The following RHOC variants were observed in gnomAD, a reference collection of about 807,000 sequenced individuals.
RHOC encodes the protein rho-related GTP-binding protein RhoC.
Under a neutral mutation model 19.5 loss-of-function variants are expected in RHOC, and 13 were observed. The observed-to-expected ratio is 0.67, with a 90% CI of 0.43 to 1.06. The LOEUF (loss-of-function observed/expected upper bound fraction) is 1.06. RHOC is among the 50% of genes least tolerant of loss of function. The pLI, the probability that RHOC is intolerant of heterozygous loss-of-function variation, is 0.00. For synonymous variants in RHOC, 106 were observed against 97.3 expected, an observed-to-expected ratio of 1.09 and a Z score of -0.52; for missense variants, 173 against 256.9, an observed-to-expected ratio of 0.67 and a Z score of 2.23.
At chr1:112,706,953 C>T (rs1674917958) in intron 1 of RHOC, 125 bp downstream of exon 1, 1 of 152,052 alleles carries the variant, frequency 6.6e-6, no homozygotes, top group South Asian at 2.1e-4. Flanking sequence ...GGAACGGGGT[C>T]CACGCCCAGG....
intron 1 of RHOC, among the ~76,000 whole-genome samples, chr1:112,706,486 A>ACACAC (rs1557780757): frequency 9.6e-4 from 17 of 17,650 alleles, no homozygotes; most frequent in African/African-American, 3.2e-3. Context: ...ACACACACAC[A>ACACAC]CACACACACA....
chr1:112,705,683 A>C (rs963608907), intron 1 of RHOC: 5 of 456,300 alleles, frequency 1.1e-5, no homozygotes, highest in African/African-American at 1.0e-4. Flanking sequence ...CCGGTGACTG[A>C]CGCTGGGATT....
Position 112,703,655 on chromosome 1 carries a change from C to T in RHOC, c.145G>A (p.Asp49Asn). The T allele has an allele frequency of 6.2e-7, 1 of 1,612,758 alleles. No homozygotes were observed. The highest frequency in any genetic ancestry group is 8.5e-7 in the Non-Finnish European group (1 of 1,179,418). ...ATTTCTGCCTTCACCTGCTTGCCGT[C>T]CACCTCAATGTCCGCAATATAGTTC... The part of the protein sequence containing the change: ...FENYIADIEV[D>N]GKQVELALWD... The change falls in exon 3 of 6, where the codon GAC (aspartate) becomes AAC (asparagine). Residue 49 changes from aspartate (D) to asparagine (N), a missense_variant. Physicochemically the swap from Asp to Asn is conservative, Grantham distance 23. Around this residue, in one of 2 missense-constraint regions of RHOC, gnomAD observed 92 missense variants for 171.1 expected, o/e 0.54. Coordinates refer to ENST00000339083, the MANE Select transcript of RHOC (RefSeq NM_175744.5).
intron 1 of RHOC, chr1:112,705,930 A>G: frequency 3.1e-6 from 1 of 325,026 alleles, no homozygotes; most frequent in South Asian, 2.5e-5. Flanking sequence ...GCGTTAAGGG[A>G]CCTGGAGCCT....
chr1:112,706,478 A>ACCCACAC (rs1336355723), intron 1 of RHOC, among the ~76,000 whole-genome samples: 2 of 5,126 alleles, frequency 3.9e-4, no homozygotes, highest in Non-Finnish European at 9.6e-4. Context: ...ACACACACAC[A>ACCCACAC]CACACACACA....
intron 2 of RHOC, chr1:112,704,149 G>GC (rs1218441768): frequency 4.0e-6 from 1 of 249,358 alleles, no homozygotes; most frequent in Non-Finnish European, 7.8e-6. Flanking sequence ...CGTCCAGGGA[G>GC]CAAGCTTCTA....
chr1:112,701,515 G>A lies in RHOC; in HGVS notation c.*25C>T. On this transcript the variant is annotated 3_prime_UTR_variant, in exon 6 of 6. Coordinates refer to ENST00000339083, the MANE Select transcript of RHOC (RefSeq NM_175744.5). ...TTCTGTACCCCTGTGAAGGGAGGGG[G>A]CATGTAGGAAAGGCCTTGGGGATCT... The A allele has an allele frequency of 1.9e-6, 3 of 1,614,080 alleles. No individual in the cohort carries two copies. Among genetic ancestry groups the A allele is most frequent in the South Asian group, 1.1e-5 (1 of 91,088 alleles).
intron 1 of RHOC, chr1:112,705,547 T>C: frequency 2.1e-6 from 1 of 484,104 alleles, no homozygotes; most frequent in Non-Finnish European, 4.1e-6. Flanking sequence ...GCCACACTCT[T>C]CCCACCACAA....
At position 112,701,137 on chromosome 1, in the gene RHOC, C is replaced by G. The variant is rs1000114216; in HGVS notation, c.*403G>C. On this transcript the variant is annotated 3_prime_UTR_variant, in exon 6 of 6. Coordinates refer to ENST00000339083, the MANE Select transcript of RHOC (RefSeq NM_175744.5). ...CCGAAAGCTGCCACACACGTTGGAG[C>G]CTGTAGCCTTTATTCATGCCCCCCT... 3 of 462,498 alleles carry G rather than the reference C, an allele frequency of 6.5e-6. No homozygotes were observed. Among genetic ancestry groups the G allele is most frequent in the African/African-American group, 5.8e-5 (3 of 51,574 alleles). 28.6% of individuals were successfully genotyped at this position (462,498 alleles called of 1,614,324 possible). A position where few individuals can be genotyped will look rare whatever the true frequency, so the allele number is the denominator to read the frequency against.
chr1:112,705,752 C>T (rs1212067026), intron 1 of RHOC: 1 of 439,682 alleles, frequency 2.3e-6, no homozygotes, highest in Non-Finnish European at 4.6e-6. Context: ...TAAAGATGGG[C>T]TGGGGTAGCC....
At position 112,702,709 on chromosome 1, in the gene RHOC, C is replaced by G; in HGVS notation, c.278-16G>C. ...GGAATGTTTTCTGTGTAGACATGCACCAACAGGTGTCGGTGCCTCCACTTA... is the reference window on the plus strand; with the variant it reads ...GGAATGTTTTCTGTGTAGACATGCAGCAACAGGTGTCGGTGCCTCCACTTA... On this transcript the variant is annotated splice_polypyrimidine_tract_variant and intron_variant, in intron 4 of 5. Transcript: ENST00000339083. 1 of 1,613,878 alleles carries G rather than the reference C, an allele frequency of 6.2e-7. No individual in the cohort carries two copies. The highest frequency in any genetic ancestry group is 8.5e-7 in the Non-Finnish European group (1 of 1,179,868).
intron 1 of RHOC, 78 bp from the exon 2 acceptor site, chr1:112,705,246 G>T: frequency 1.4e-6 from 1 of 695,046 alleles, no homozygotes; most frequent in Non-Finnish European, 2.6e-6. Context: ...GCCAGTCCCA[G>T]CACCAACCAG....
chr1:112,701,710 G>C lies in RHOC; in HGVS notation c.412C>G (p.Pro138Ala), dbSNP rs1159815720. The change falls in exon 6 of 6, where the codon CCC becomes GCC. Residue 138 changes from proline (P) to alanine (A), a missense_variant. Coordinates refer to ENST00000339083, the MANE Select transcript of RHOC (RefSeq NM_175744.5). ...TCCCGGCCTTCCTCAGACCGAACGGGCTCCTGAGAAGACATAAGATGAGGG... is the reference window on the plus strand; with the variant it reads ...TCCCGGCCTTCCTCAGACCGAACGGCCTCCTGAGAAGACATAAGATGAGGG... ...RRELAKMKQE[P>A]VRSEEGRDMA... The C allele has an allele frequency of 1.9e-6, 3 of 1,613,810 alleles. No individual in the cohort carries two copies. The highest frequency in any genetic ancestry group is 2.2e-5 in the South Asian group (2 of 91,076).
chr1:112,703,514 A>G, intron 3 of RHOC, 130 bp downstream of exon 3: 1 of 844,874 alleles, frequency 1.2e-6, no homozygotes, highest in South Asian at 1.4e-5. Flanking sequence ...TTTACTTCCT[A>G]ACTTTTACTG....
intron 5 of RHOC, among the ~76,000 whole-genome samples, 162 bp downstream of exon 5, chr1:112,702,401 G>T (rs1225162017): frequency 1.3e-5 from 2 of 152,180 alleles, no homozygotes; most frequent in African/African-American, 4.8e-5. Flanking sequence ...ACTTCATTCT[G>T]ATACCTCATC....
intron 2 of RHOC, 29 bp downstream of exon 2, chr1:112,705,071 T>C (rs944416770): frequency 5.7e-6 from 4 of 702,314 alleles, no homozygotes; most frequent in Non-Finnish European, 1.0e-5. Context: ...CTTCCCTCAC[T>C]TCCTCCTTCC....
At chr1:112,702,736 G>A (rs750824156) in intron 4 of RHOC, 43 bp from the exon 5 acceptor site, 1 of 1,611,890 alleles carries the variant, frequency 6.2e-7, no homozygotes, top group South Asian at 1.1e-5. Context: ...CTCCACTTAA[G>A]CTAGAAAGCT....
chr1:112,703,565 G>T, intron 3 of RHOC, 79 bp downstream of exon 3: 1 of 1,176,820 alleles, frequency 8.5e-7, no homozygotes, highest in Non-Finnish European at 1.2e-6. Flanking sequence ...GGGTAGGAAT[G>T]GGGAAGGACA....
chr1:112,701,308 G>A lies in RHOC; in HGVS notation c.*232C>T, dbSNP rs1322305339. Reference sequence around the variant, plus strand: ...CCATCCTTTGGGGAAGGTCAAAGGGGGCAAGATCCCCAGGGGCCCTGAGGA... The same window carrying A: ...CCATCCTTTGGGGAAGGTCAAAGGGAGCAAGATCCCCAGGGGCCCTGAGGA... On this transcript the variant is annotated 3_prime_UTR_variant, in exon 6 of 6. Coordinates refer to ENST00000339083, the MANE Select transcript of RHOC (RefSeq NM_175744.5). 8.1e-7 allele frequency: 1 copy of A among 1,240,148 alleles called. No homozygotes were observed. 76.8% of individuals were successfully genotyped at this position (1,240,148 alleles called of 1,614,324 possible). A position where few individuals can be genotyped will look rare whatever the true frequency, so the allele number is the denominator to read the frequency against.
Sources: gnomAD v4.1 joint callset for allele counts (sites outside exome capture counted in the v4.1 genomes callset) on GRCh38, gnomAD v4.1.1 for gene constraint, gnomAD v4.1.1 regional missense constraint, MANE v1.5 for transcripts, NCBI Gene and HGNC (gene_info 2026-07-23, HGNC 2026-07-21) for gene names.